Variants in PACRG observed in about 807,000 individuals in gnomAD.
PACRG encodes parkin coregulated, also known as parkin coregulated gene protein.
In PACRG, 29 loss-of-function variants were observed where a neutral mutation model predicts 29.7. The observed-to-expected ratio is 0.98, with a 90% CI of 0.73 to 1.33. PACRG has a LOEUF of 1.33. PACRG is among the 40% of genes most tolerant of loss of function. The pLI, the probability that PACRG is intolerant of heterozygous loss-of-function variation, is 0.00. For missense variants in PACRG, 279 were observed against 316.2 expected (o/e 0.88, Z 0.89); for synonymous variants, 116 against 118.7 (o/e 0.98, Z 0.15).
chr6:163,180,128 T>G (rs1037047032), intron 4 of PACRG, among the ~76,000 whole-genome samples: 1 of 152,200 alleles, frequency 6.6e-6, no homozygotes, highest in Non-Finnish European at 1.5e-5. Context: ...CATACATAAT[T>G]TTGGGTTTTG....
At chr6:162,992,674 AT>A (rs1243702573) in intron 2 of PACRG, among the ~76,000 whole-genome samples, 2 of 112,020 alleles carry the variant, frequency 1.8e-5, no homozygotes, top group African/African-American at 7.2e-5. Context: ...AATTTTGTTG[AT>A]CCTTTCAAAA....
At chr6:162,771,028 T>C (rs1783177241) in intron 1 of PACRG, among the ~76,000 whole-genome samples, 1 of 152,138 alleles carries the variant, frequency 6.6e-6, no homozygotes, top group Non-Finnish European at 1.5e-5. Flanking sequence ...AATATTCCTG[T>C]TATAACTCAA....
chr6:162,957,378 G>A, intron 2 of PACRG: 1 of 615,624 alleles, frequency 1.6e-6, no homozygotes, highest in Non-Finnish European at 2.8e-6. Context: ...TTTTTGTTTT[G>A]GACAATCTCA....
intron 4 of PACRG, among the ~76,000 whole-genome samples, chr6:163,231,289 T>A (rs1298513872): frequency 2.0e-5 from 3 of 152,212 alleles, no homozygotes; most frequent in Non-Finnish European, 2.9e-5. Flanking sequence ...TGTGACCCAC[T>A]CACTGCCATG....
chr6:162,831,199 A>G (rs934355428), intron 2 of PACRG, among the ~76,000 whole-genome samples: 3 of 152,142 alleles, frequency 2.0e-5, no homozygotes, highest in African/African-American at 7.2e-5. Flanking sequence ...GGGTTTTGAA[A>G]CTGCCTTCAA....
Position 163,101,010 on chromosome 6 carries a change from CTCT to C in PACRG, c.613+11604_613+11606del, listed in dbSNP as rs2128313818. The C allele has an allele frequency of 4.1e-6, 4 of 983,194 alleles. No homozygotes were observed. In the East Asian group the frequency reaches 4.5e-4, roughly 112 times the overall value. The allele number at this position is 983,194 out of a possible 1,614,324, so 60.9% of individuals were successfully genotyped here. On this transcript the variant is annotated intron_variant, in intron 4 of 4. Transcript: ENST00000366888. Reference sequence around the variant, plus strand: ...CTCGAAGATCAATTTACTTTTTTTGCTCTTAAGTACAGTACTTTAATATGAGCT... The same window carrying C: ...CTCGAAGATCAATTTACTTTTTTTGCTAAGTACAGTACTTTAATATGAGCT...
Position 162,937,788 on chromosome 6 carries a change from C to T in PACRG, c.291+123507C>T, listed in dbSNP as rs190090791. The stretch of plus-strand genomic sequence containing the variant: ...CATTTAGTAACATATTCTGTTGTCT[C>T]GGTTGGACCAAAACTTCAAATCTAG... On this transcript the variant is annotated intron_variant, in intron 2 of 4. Coordinates refer to ENST00000366888, the MANE Select transcript of PACRG (RefSeq NM_001080379.2). 1.6e-3 allele frequency among the ~76,000 whole-genome samples: 236 copies of T among 151,990 alleles called. 3 individuals are homozygous for T. The highest frequency in any genetic ancestry group is 5.2e-3 in the African/African-American group (215 of 41,468).
chr6:163,311,591 A>G (rs1381303822), intron 4 of PACRG, among the ~76,000 whole-genome samples: 1 of 152,196 alleles, frequency 6.6e-6, no homozygotes, highest in Non-Finnish European at 1.5e-5. Context: ...GTTAGACCCC[A>G]AACCGTGCAG....
At chr6:163,181,408 G>A (rs962774319) in intron 4 of PACRG, among the ~76,000 whole-genome samples, 1 of 152,020 alleles carries the variant, frequency 6.6e-6, no homozygotes, top group Non-Finnish European at 1.5e-5. Context: ...TGCCGGGGCT[G>A]GAGATGAAAG....
chr6:162,812,812 T>C (rs1391202755), intron 1 of PACRG, among the ~76,000 whole-genome samples: 1 of 152,136 alleles, frequency 6.6e-6, no homozygotes, highest in Non-Finnish European at 1.5e-5. Flanking sequence ...AAATGGTGGC[T>C]ATTAATTCTA....
chr6:163,025,324 A>G (rs1057248189), intron 2 of PACRG, among the ~76,000 whole-genome samples: 1 of 152,234 alleles, frequency 6.6e-6, no homozygotes, highest in Non-Finnish European at 1.5e-5. Context: ...ATGATTCTAT[A>G]CCTACAAAAA....
intron 4 of PACRG, among the ~76,000 whole-genome samples, chr6:163,161,730 G>T (rs558269417): frequency 6.6e-6 from 1 of 152,096 alleles, no homozygotes; most frequent in African/African-American, 2.4e-5. Context: ...TCTTAATTTG[G>T]TGTTTTACGT....
At chr6:162,852,326 C>G (rs914910638) in intron 2 of PACRG, among the ~76,000 whole-genome samples, 17 of 152,160 alleles carry the variant, frequency 1.1e-4, no homozygotes. Context: ...GCATCTTTCT[C>G]AGACAACTCC....
intron 4 of PACRG, among the ~76,000 whole-genome samples, chr6:163,153,604 A>T (rs1226331568): frequency 6.6e-6 from 1 of 152,206 alleles, no homozygotes; most frequent in Non-Finnish European, 1.5e-5. Context: ...TGACAATTTG[A>T]AGCATCCAAA....
upstream of PACRG, chr6:162,727,706 G>C: frequency 6.4e-7 from 1 of 1,558,500 alleles, no homozygotes; most frequent in Non-Finnish European, 8.7e-7. Flanking sequence ...CCAGGAACAG[G>C]CCCATGCGCG....
At chr6:162,787,558 T>TTGTG (rs377437969) in intron 1 of PACRG, among the ~76,000 whole-genome samples, 995 of 78,654 alleles carry the variant, frequency 0.013, 28 homozygotes, top group East Asian at 0.048. Context: ...TATATGGTTA[T>TTGTG]TGTGTGTGTG....
intron 4 of PACRG, among the ~76,000 whole-genome samples, chr6:163,210,314 A>G (rs1010485448): frequency 1.3e-5 from 2 of 152,238 alleles, no homozygotes; most frequent in Non-Finnish European, 2.9e-5. Context: ...TGTGTAATCC[A>G]TTCTATAATG....
intron 4 of PACRG, among the ~76,000 whole-genome samples, chr6:163,247,003 T>C (rs1272083505): frequency 2.0e-5 from 3 of 152,190 alleles, no homozygotes; most frequent in African/African-American, 4.8e-5. Context: ...GTGGGCCTTT[T>C]CAAATGGCTG....
At chr6:162,813,320 A>T (rs969439254) in intron 1 of PACRG, among the ~76,000 whole-genome samples, 3 of 152,070 alleles carry the variant, frequency 2.0e-5, no homozygotes, top group African/African-American at 7.2e-5. Flanking sequence ...TAAGCAGGGA[A>T]AAATAATCGT....
Sources: gnomAD v4.1 joint callset for allele counts (sites outside exome capture counted in the v4.1 genomes callset) on GRCh38, gnomAD v4.1.1 for gene constraint, MANE v1.5 for transcripts, NCBI Gene and HGNC (gene_info 2026-07-23, HGNC 2026-07-21) for gene names.